RARA: variants seen among roughly 807,000 people sequenced by gnomAD.
The protein encoded by RARA is retinoic acid receptor alpha, also known as PML-DDX5-RARA fusion.
A neutral mutation model predicts 42.8 loss-of-function variants in RARA; 5 were observed. That is an observed-to-expected ratio of 0.12 (90% CI 0.06 to 0.25). The LOEUF (loss-of-function observed/expected upper bound fraction) is 0.25, where lower values mean the gene tolerates loss of function less well. RARA is among the 10% of genes least tolerant of loss of function. The probability of loss-of-function intolerance (pLI) is 1.00; values close to 1 mark genes in which losing one functional copy is unlikely to be tolerated. For missense variants in RARA, 402 were observed against 628.7 expected (o/e 0.64, Z 3.86); for synonymous variants, 256 against 259.5 (o/e 0.99, Z 0.13).
rs200326853 is a variant in RARA at position 40,354,430 on chromosome 17, C to T, written c.936C>T (p.Phe312=). The part of the protein sequence containing the change: ...FGPLTDLVFA[F]ANQLLPLEMD... ...CCCTCACCGACCTGGTCTTTGCCTTCGCCAACCAGCTGCTGCCCCTGGAGA... is the reference window on the plus strand; with the variant it reads ...CCCTCACCGACCTGGTCTTTGCCTTTGCCAACCAGCTGCTGCCCCTGGAGA... Residue 312 remains phenylalanine, a synonymous_variant, in exon 7 of 9, where the codon TTC becomes TTT. Transcript: ENST00000254066. The surrounding 1 kb of genome is among the most constrained non-coding windows in gnomAD (Gnocchi z 4.5). The T allele has an allele frequency of 2.8e-5, 45 of 1,614,136 alleles. No homozygotes were observed. Among genetic ancestry groups the T allele is most frequent in the Admixed American group, 2.0e-4 (12 of 60,028 alleles).
At chr17:40,353,231 GGGACTGCCGGGCACTCGGTGAGGTGA>G (rs2034509100) in intron 6 of RARA, among the ~76,000 whole-genome samples, 1 of 151,968 alleles carries the variant, frequency 6.6e-6, no homozygotes, top group African/African-American at 2.4e-5. Flanking sequence ...CTGAGCTCAG[GGGACTGCCGGGCACTCGGTGAGGTGA>G]GCCCGAGGGT....
At chr17:40,316,004 G>A (rs924314227) in intron 1 of RARA, among the ~76,000 whole-genome samples, 1 of 152,212 alleles carries the variant, frequency 6.6e-6, no homozygotes, top group Non-Finnish European at 1.5e-5. Context: ...GGTGGTGGAA[G>A]CCCTGTTATG....
rs988217257 is a variant in RARA at position 40,355,164 on chromosome 17, T to C, written c.1013-99T>C. 4.2e-6 allele frequency: 6 copies of C among 1,414,010 alleles called. No homozygotes were observed. Among genetic ancestry groups the C allele is most frequent in the Middle Eastern group, 2.6e-4 (1 of 3,840 alleles). The allele number at this position is 1,414,010 out of a possible 1,614,324, so 87.6% of individuals were successfully genotyped here. A position where few individuals can be genotyped will look rare whatever the true frequency, so the allele number is the denominator to read the frequency against. ...CCTGTGTGGGGAGGCGCCTGCGAGCTGCCCTCCTCCATGGCCTGGGCAGGC... is the reference window on the plus strand; with the variant it reads ...CCTGTGTGGGGAGGCGCCTGCGAGCCGCCCTCCTCCATGGCCTGGGCAGGC... On this transcript the variant is annotated intron_variant, in intron 7 of 8. Transcript: ENST00000254066. This position sits in a 1 kb window ranked among gnomAD's most constrained non-coding sequence, Gnocchi z 4.1.
chr17:40,342,552 C>T, intron 2 of RARA: 2 of 1,341,360 alleles, frequency 1.5e-6, no homozygotes, highest in Non-Finnish European at 1.9e-6. Context: ...GCGGGGACTT[C>T]AGGGCAGGGG....
intron 2 of RARA, chr17:40,342,734 C>T (rs752145416): frequency 1.2e-6 from 2 of 1,612,494 alleles, no homozygotes; most frequent in Non-Finnish European, 1.7e-6. Context: ...TGGGGGGTCC[C>T]ACCCCTAATC....
intron 2 of RARA, among the ~76,000 whole-genome samples, chr17:40,344,182 G>T (rs1007055399): frequency 4.6e-5 from 7 of 151,926 alleles, no homozygotes; most frequent in African/African-American, 1.2e-4. Flanking sequence ...AGAGAGACCT[G>T]AGATGGACAG....
At chr17:40,348,767 T>G (rs959802552) in intron 3 of RARA, 4 of 249,168 alleles carry the variant, frequency 1.6e-5, no homozygotes, top group African/African-American at 9.0e-5. Flanking sequence ...CATGGTGAGC[T>G]GGCTGCCGAC....
chr17:40,342,851 G>A, intron 2 of RARA: 1 of 1,612,742 alleles, frequency 6.2e-7, no homozygotes. Flanking sequence ...CTCCGCTTTG[G>A]AATGGCTCAA....
At chr17:40,332,002 C>T (rs557823280) in intron 2 of RARA, among the ~76,000 whole-genome samples, 55 of 152,336 alleles carry the variant, frequency 3.6e-4, no homozygotes, top group African/African-American at 1.3e-3. Flanking sequence ...GGACACTTGG[C>T]CTGGACTCTG....
chr17:40,321,886 T>TC (rs1295678513), intron 1 of RARA, among the ~76,000 whole-genome samples: 1 of 152,124 alleles, frequency 6.6e-6, no homozygotes, highest in Non-Finnish European at 1.5e-5. Context: ...CCTTCGCCAC[T>TC]CCAAGTGTCA....
At chr17:40,328,637 CT>C (rs1353358808) in intron 1 of RARA, among the ~76,000 whole-genome samples, 2 of 152,174 alleles carry the variant, frequency 1.3e-5, no homozygotes, top group Non-Finnish European at 2.9e-5. Flanking sequence ...TGCTTTCTGT[CT>C]CTATAAATGT....
At chr17:40,329,410 G>T (rs568483648) in intron 1 of RARA, among the ~76,000 whole-genome samples, 3 of 152,064 alleles carry the variant, frequency 2.0e-5, no homozygotes, top group African/African-American at 7.2e-5. Flanking sequence ...TGGTTCAAGC[G>T]ATTCTCCTGC....
chr17:40,357,050 A>G lies in RARA; in HGVS notation c.*824A>G, dbSNP rs951092162. 2.5e-4 allele frequency: 96 copies of G among 379,354 alleles called. No homozygotes were observed. Among genetic ancestry groups the G allele is most frequent in the Non-Finnish European group, 4.4e-4 (90 of 204,624 alleles). 23.5% of individuals were successfully genotyped at this position (379,354 alleles called of 1,614,324 possible). On this transcript the variant is annotated 3_prime_UTR_variant, in exon 9 of 9. Coordinates refer to ENST00000254066, the MANE Select transcript of RARA (RefSeq NM_000964.4). ...AGCCCCTTTCTCCCTCTGCCTGACC[A>G]CTGGGTGTGGACGGTGTGGGGCAGC... is the stretch of plus-strand genomic sequence containing the variant.
chr17:40,310,356 A>T (rs752965533), intron 1 of RARA, among the ~76,000 whole-genome samples: 5 of 142,196 alleles, frequency 3.5e-5, no homozygotes, highest in Admixed American at 7.2e-5. Context: ...CTGACTTACC[A>T]TGTGTGAGTG....
At chr17:40,329,721 T>C (rs2033640668) in intron 1 of RARA, among the ~76,000 whole-genome samples, 1 of 152,226 alleles carries the variant, frequency 6.6e-6, no homozygotes. Flanking sequence ...CCCAAAGTGG[T>C]GGGATTACAG....
intron 2 of RARA, chr17:40,340,922 T>C (rs537706147): frequency 1.2e-5 from 5 of 400,302 alleles, no homozygotes; most frequent in African/African-American, 6.2e-5. Context: ...ACAACCCACA[T>C]AGCCTTGCTG....
intron 2 of RARA, chr17:40,341,832 G>A (rs1282058394): frequency 9.0e-7 from 1 of 1,116,916 alleles, no homozygotes; most frequent in Non-Finnish European, 1.1e-6. Flanking sequence ...AGCCGGAACT[G>A]GTACAAGGGA....
intron 1 of RARA, among the ~76,000 whole-genome samples, chr17:40,327,862 C>G (rs1027629224): frequency 2.6e-5 from 4 of 152,200 alleles, no homozygotes; most frequent in Non-Finnish European, 5.9e-5. Context: ...TGTGGGGCCC[C>G]ACAGGAGTTG....
intron 2 of RARA, among the ~76,000 whole-genome samples, chr17:40,331,929 G>C (rs1007006008): frequency 6.6e-6 from 1 of 152,146 alleles, no homozygotes; most frequent in African/African-American, 2.4e-5. Flanking sequence ...TTCCCTTTGT[G>C]GGGAGGATGA....
Sources: allele counts gnomAD v4.1 joint callset (sites outside exome capture counted in the v4.1 genomes callset), GRCh38; gene constraint gnomAD v4.1.1; non-coding constraint Gnocchi (gnomAD v3.1); transcripts MANE v1.5; gene names NCBI Gene and HGNC (gene_info 2026-07-23, HGNC 2026-07-21).